RAD51: variants seen among roughly 807,000 people sequenced by gnomAD.
RAD51 encodes DNA repair protein RAD51 homolog 1.
A neutral mutation model predicts 41.5 loss-of-function variants in RAD51; 14 were observed. The observed-to-expected ratio is 0.34, with a 90% confidence interval of 0.22 to 0.53. RAD51 has a LOEUF of 0.53. Ranked by LOEUF, RAD51 falls within the 20% of genes least tolerant of loss-of-function variation. The probability of loss-of-function intolerance (pLI) is 0.95; values close to 1 mark genes in which losing one functional copy is unlikely to be tolerated. For synonymous variants in RAD51, 136 were observed against 148.6 expected, an observed-to-expected ratio of 0.92 and a Z score of 0.62; for missense variants, 234 against 422.0, an observed-to-expected ratio of 0.55 and a Z score of 3.90.
chr15:40,697,288 G>C (rs188982817), intron 1 of RAD51, among the ~76,000 whole-genome samples: 194 of 152,008 alleles, frequency 1.3e-3, no homozygotes, highest in African/African-American at 4.6e-3. Context: ...TTCTTTAATA[G>C]AGACAGGATT....
chr15:40,725,146 G>A (rs962834246), intron 6 of RAD51, among the ~76,000 whole-genome samples: 36 of 151,768 alleles, frequency 2.4e-4, no homozygotes, highest in Admixed American at 1.5e-3. Flanking sequence ...TGATCCACCC[G>A]CCTCGGCCTC....
intron 6 of RAD51, among the ~76,000 whole-genome samples, chr15:40,720,247 C>G (rs1187372779): frequency 1.3e-5 from 2 of 151,844 alleles, no homozygotes; most frequent in East Asian, 3.9e-4. Flanking sequence ...ATTAGCCTGG[C>G]TAATTTTTGT....
intron 6 of RAD51, among the ~76,000 whole-genome samples, chr15:40,728,329 C>G (rs975556242): frequency 1.3e-5 from 2 of 152,082 alleles, no homozygotes; most frequent in Non-Finnish European, 2.9e-5. Context: ...ATGCATGGTG[C>G]TGCATAGCTC....
At chr15:40,726,242 ATTTT>A (rs34696783) in intron 6 of RAD51, among the ~76,000 whole-genome samples, 2 of 124,446 alleles carry the variant, frequency 1.6e-5, no homozygotes, top group African/African-American at 3.1e-5. Flanking sequence ...AGGCCCAGGA[ATTTT>A]TTTTTTTTTT....
chr15:40,713,658 G>A (rs2141846901), intron 5 of RAD51, among the ~76,000 whole-genome samples: 1 of 147,860 alleles, frequency 6.8e-6, no homozygotes, highest in Non-Finnish European at 1.5e-5. Context: ...CTGGGCTGGA[G>A]TGCAGTGGTG....
chr15:40,725,009 C>G lies in RAD51; in HGVS notation c.531-3702C>G, dbSNP rs1353116384. 1.3e-5 allele frequency among the ~76,000 whole-genome samples: 2 copies of G among 150,876 alleles called. 1 individual carries two copies. The highest frequency in any genetic ancestry group is 4.9e-5 in the African/African-American group (2 of 40,832). ...CCGCTTCCCGGGTCCACGCCATTCT[C>G]CTGCCTCAGCCTCCCCAGTAGCTGG... On this transcript the variant is annotated intron_variant, in intron 6 of 9. Coordinates refer to ENST00000267868, the MANE Select transcript of RAD51 (RefSeq NM_002875.5).
chr15:40,695,865 G>A (rs897931058), intron 1 of RAD51: 2 of 152,148 alleles, frequency 1.3e-5, no homozygotes, highest in African/African-American at 4.8e-5. Context: ...TCTGAAGTGA[G>A]GTTTGGTTTT....
At position 40,720,415 on chromosome 15, in the gene RAD51, A is replaced by T. The variant is rs749006803; in HGVS notation, c.530+1516A>T. 1.5e-4 allele frequency among the ~76,000 whole-genome samples: 23 copies of T among 152,058 alleles called. 1 individual carries two copies. The highest frequency in any genetic ancestry group is 1.0e-3 in the South Asian group (5 of 4,832). Reference sequence around the variant, plus strand: ...TGAAATTCTGAATGCTTTTCCCCCTAAAGTCAGTAACAAGGCAAGGATGCC... The same window carrying T: ...TGAAATTCTGAATGCTTTTCCCCCTTAAGTCAGTAACAAGGCAAGGATGCC... On this transcript the variant is annotated intron_variant, in intron 6 of 9. Coordinates refer to ENST00000267868, the MANE Select transcript of RAD51 (RefSeq NM_002875.5).
chr15:40,706,436 C>A (rs1001994139), intron 4 of RAD51, 142 bp downstream of exon 4: 2 of 760,868 alleles, frequency 2.6e-6, no homozygotes, highest in African/African-American at 3.5e-5. Context: ...GTGGCTTATG[C>A]CTGTAATCTC....
chr15:40,713,607 A>G (rs1431506198), intron 5 of RAD51, among the ~76,000 whole-genome samples: 1 of 127,554 alleles, frequency 7.8e-6, no homozygotes, highest in Admixed American at 8.1e-5. Context: ...AAATGTTACA[A>G]TTTTTTTTTT....
At chr15:40,711,407 T>C (rs1170526773) in intron 5 of RAD51, among the ~76,000 whole-genome samples, 6 of 152,174 alleles carry the variant, frequency 3.9e-5, no homozygotes, top group Non-Finnish European at 7.3e-5. Context: ...TTCTGCTGTA[T>C]TGCTAGTGCC....
At chr15:40,711,090 T>G (rs1895683196) in intron 5 of RAD51, among the ~76,000 whole-genome samples, 1 of 152,152 alleles carries the variant, frequency 6.6e-6, no homozygotes, top group Non-Finnish European at 1.5e-5. Context: ...ACTTCAGAGA[T>G]GATGTTCTTA....
intron 6 of RAD51, among the ~76,000 whole-genome samples, chr15:40,720,292 C>T (rs2141860802): frequency 6.6e-6 from 1 of 152,070 alleles, no homozygotes; most frequent in East Asian, 1.9e-4. Context: ...CCATGTTGGC[C>T]AGGCTGGTCT....
At position 40,699,726 on chromosome 15, in the gene RAD51, G is replaced by C. The variant is rs45510396; in HGVS notation, c.87+881G>C. On this transcript the variant is annotated intron_variant, in intron 2 of 9. Transcript: ENST00000267868. ...TGTGCTGTCAGCTGTCATTGGCAGAGAGAAGGGTGTGGTGGTGTTATGGTA... is the reference window on the plus strand; with the variant it reads ...TGTGCTGTCAGCTGTCATTGGCAGACAGAAGGGTGTGGTGGTGTTATGGTA... 3.8e-3 allele frequency among the ~76,000 whole-genome samples: 582 copies of C among 152,346 alleles called. 10 individuals are homozygous for C. The highest frequency in any genetic ancestry group is 0.013 in the African/African-American group (550 of 41,584).
At position 40,729,833 on chromosome 15, in the gene RAD51, A is replaced by G; in HGVS notation, c.775-20A>G. 1 of 1,614,184 alleles carries G rather than the reference A, an allele frequency of 6.2e-7. No individual in the cohort carries two copies. ...GAGTGTCTATGGCCACAAAATTGAC[A>G]TTTATCCTTTCCCCATCAGTTTGGT... is the stretch of plus-strand genomic sequence containing the variant. On this transcript the variant is annotated intron_variant, in intron 8 of 9. Coordinates refer to ENST00000267868, the MANE Select transcript of RAD51 (RefSeq NM_002875.5).
intron 6 of RAD51, among the ~76,000 whole-genome samples, chr15:40,724,674 C>CTT (rs869156620): frequency 0.092 from 8,628 of 94,126 alleles, 1,707 homozygotes; most frequent in East Asian, 0.57. Context: ...TTTTTTATTT[C>CTT]TTTTTTTTTT....
intron 5 of RAD51, among the ~76,000 whole-genome samples, chr15:40,718,007 A>C (rs905542710): frequency 2.6e-5 from 4 of 152,118 alleles, no homozygotes; most frequent in Non-Finnish European, 5.9e-5. Context: ...CGAGGCGGGC[A>C]GATCACTTGA....
chr15:40,719,714 C>A (rs1438773641), intron 6 of RAD51, among the ~76,000 whole-genome samples: 1 of 152,056 alleles, frequency 6.6e-6, no homozygotes, highest in Non-Finnish European at 1.5e-5. Context: ...TGCCTGTAGT[C>A]CCAGCTACTC....
intron 6 of RAD51, among the ~76,000 whole-genome samples, chr15:40,725,055 G>A (rs1420236073): frequency 4.6e-5 from 7 of 151,110 alleles, no homozygotes; most frequent in Admixed American, 1.3e-4. Flanking sequence ...GCCCGCCACC[G>A]CGCCCGGCTA....
Sources: gnomAD v4.1 joint callset for allele counts (sites outside exome capture counted in the v4.1 genomes callset) on GRCh38, gnomAD v4.1.1 for gene constraint, MANE v1.5 for transcripts, NCBI Gene and HGNC (gene_info 2026-07-23, HGNC 2026-07-21) for gene names.